Variants in DHDDS observed in about 807,000 individuals in gnomAD.
The protein encoded by DHDDS is dehydrodolichyl diphosphate synthase complex subunit DHDDS.
DHDDS carries 16 observed loss-of-function variants against 46.2 expected under a neutral mutation model. The observed-to-expected ratio is 0.35, with a 90% CI of 0.23 to 0.53. The LOEUF is 0.53. Ranked by LOEUF, DHDDS falls within the 20% of genes least tolerant of loss-of-function variation. The pLI, the probability that DHDDS is intolerant of heterozygous loss-of-function variation, is 0.94. For synonymous variants in DHDDS, 151 were observed against 163.1 expected, an observed-to-expected ratio of 0.93 and a Z score of 0.56; for missense variants, 340 against 423.7, an observed-to-expected ratio of 0.80 and a Z score of 1.73.
chr1:26,446,310 G>T lies in DHDDS; in HGVS notation c.324-6G>T. On this transcript the variant is annotated splice_polypyrimidine_tract_variant and splice_region_variant and intron_variant, in intron 4 of 8. Transcript: ENST00000236342. ...TATCCCAATGCTGCCTCTTTTCCCT[G>T]ATCAGGGAGAAACTGCAGAAGCATG... 6.2e-7 allele frequency: 1 copy of T among 1,613,584 alleles called. No individual in the cohort carries two copies. The highest frequency in any genetic ancestry group is 8.5e-7 in the Non-Finnish European group (1 of 1,179,684).
intron 2 of DHDDS, among the ~76,000 whole-genome samples, chr1:26,433,766 C>T (rs942279221): frequency 8.6e-5 from 13 of 151,758 alleles, no homozygotes; most frequent in Middle Eastern, 3.4e-3. Flanking sequence ...GATGGAGTCT[C>T]GCTCTGTCGC....
intron 3 of DHDDS, 64 bp downstream of exon 3, chr1:26,438,348 C>T (rs573589452): frequency 2.7e-6 from 4 of 1,462,022 alleles, no homozygotes; most frequent in Non-Finnish European, 2.9e-6. Flanking sequence ...AGCTAGAAAA[C>T]CAGGCTCTGA....
At chr1:26,443,896 C>A (rs1490343077) in intron 4 of DHDDS, among the ~76,000 whole-genome samples, 2 of 152,216 alleles carry the variant, frequency 1.3e-5, no homozygotes, top group South Asian at 4.1e-4. Context: ...TATATTCTTA[C>A]TCATCCTGTA....
At chr1:26,468,709 C>T (rs1238293725) in intron 8 of DHDDS, among the ~76,000 whole-genome samples, 186 bp from the exon 9 acceptor site, 2 of 152,194 alleles carry the variant, frequency 1.3e-5, no homozygotes, top group Non-Finnish European at 2.9e-5. Context: ...TGCCACTGCC[C>T]TGCCTGTACA....
chr1:26,468,813 C>G (rs1000983663), intron 8 of DHDDS, 82 bp from the exon 9 acceptor site: 2 of 1,333,668 alleles, frequency 1.5e-6, no homozygotes, highest in Non-Finnish European at 2.1e-6. Context: ...CACCCTGTGC[C>G]CCACCCCCTA....
intron 4 of DHDDS, chr1:26,443,114 C>T (rs2075235119): frequency 3.4e-6 from 2 of 586,880 alleles, no homozygotes; most frequent in Non-Finnish European, 5.4e-6. Context: ...GATTTAAGAA[C>T]AAGTACAGCC....
Position 26,436,896 on chromosome 1 carries a change from C to T in DHDDS, c.64-1272C>T, listed in dbSNP as rs191662991. On this transcript the variant is annotated intron_variant, in intron 2 of 8. Transcript: ENST00000236342. ...TTCTTAACCGCGTGACTGGGCCGGGCGTGCTGGCTCACGCCTGTAATCCCA... is the reference window on the plus strand; with the variant it reads ...TTCTTAACCGCGTGACTGGGCCGGGTGTGCTGGCTCACGCCTGTAATCCCA... Among the ~76,000 whole-genome samples the T allele has an allele frequency of 1.8e-4, 27 of 152,168 alleles. No homozygotes were observed. The East Asian group carries it at 5.1e-3, about 28-fold the overall frequency.
chr1:26,436,781 C>T (rs1479585408), intron 2 of DHDDS, among the ~76,000 whole-genome samples: 1 of 152,098 alleles, frequency 6.6e-6, no homozygotes, highest in Admixed American at 6.6e-5. Context: ...TAGTTGGAGA[C>T]CAACTAAACC....
intron 3 of DHDDS, among the ~76,000 whole-genome samples, chr1:26,439,676 G>GAAAC (rs1557435266): frequency 3.3e-5 from 5 of 152,184 alleles, no homozygotes; most frequent in African/African-American, 1.2e-4. Context: ...AGGCTGAGGG[G>GAAAC]TTTCTCAGGA....
At chr1:26,457,502 T>A (rs1172500518) in intron 6 of DHDDS, among the ~76,000 whole-genome samples, 1 of 148,106 alleles carries the variant, frequency 6.8e-6, no homozygotes, top group Non-Finnish European at 1.5e-5. Context: ...ATACCTTATG[T>A]ATCAGAACAT....
At chr1:26,456,010 T>C (rs1453851328) in intron 6 of DHDDS, among the ~76,000 whole-genome samples, 2 of 152,360 alleles carry the variant, frequency 1.3e-5, no homozygotes, top group East Asian at 3.9e-4. Context: ...ACCCTCTTTC[T>C]GTGGACAGGA....
chr1:26,432,810 A>T, intron 1 of DHDDS, 81 bp from the exon 2 acceptor site: 1 of 817,932 alleles, frequency 1.2e-6, no homozygotes, highest in Non-Finnish European at 2.1e-6. Context: ...TGCTCTCCAT[A>T]GTCCATCTGA....
chr1:26,437,032 T>C (rs1419717240), intron 2 of DHDDS, among the ~76,000 whole-genome samples: 3 of 151,924 alleles, frequency 2.0e-5, no homozygotes, highest in Non-Finnish European at 2.9e-5. Context: ...TAGCTGGGCA[T>C]GGTGGCAGGT....
intron 5 of DHDDS, 21 bp downstream of exon 5, chr1:26,446,453 A>G (rs923921932): frequency 1.2e-6 from 2 of 1,608,744 alleles, no homozygotes; most frequent in Admixed American, 1.7e-5. Context: ...AGATTTCCCT[A>G]TAGGGAGCTG....
At chr1:26,435,959 A>AG (rs2075150238) in intron 2 of DHDDS, among the ~76,000 whole-genome samples, 2 of 152,106 alleles carry the variant, frequency 1.3e-5, no homozygotes, top group East Asian at 3.9e-4. Context: ...CATGTTGGCC[A>AG]GGCTGGTCTT....
At chr1:26,447,526 C>G in intron 5 of DHDDS, 33 bp from the exon 6 acceptor site, 3 of 1,568,170 alleles carry the variant, frequency 1.9e-6, no homozygotes, top group Non-Finnish European at 1.8e-6. Context: ...CCCTGTCCCC[C>G]TTTGGTAAAT....
intron 8 of DHDDS, 131 bp downstream of exon 8, chr1:26,460,275 T>C (rs557155284): frequency 5.2e-6 from 4 of 765,652 alleles, no homozygotes; most frequent in South Asian, 2.9e-5. Flanking sequence ...AGCTACCACC[T>C]ACTGAGTATC....
At chr1:26,466,748 T>TA (rs1391121755) in intron 8 of DHDDS, among the ~76,000 whole-genome samples, 1 of 152,236 alleles carries the variant, frequency 6.6e-6, no homozygotes, top group African/African-American at 2.4e-5. Context: ...GCCAGAAACT[T>TA]AGACTACTTA....
intron 8 of DHDDS, among the ~76,000 whole-genome samples, chr1:26,466,658 G>A (rs956598603): frequency 2.0e-5 from 3 of 152,240 alleles, no homozygotes; most frequent in African/African-American, 7.2e-5. Context: ...TCTGGAAGAA[G>A]CTTGCGCCTC....
Sources: allele counts gnomAD v4.1 joint callset (sites outside exome capture counted in the v4.1 genomes callset), GRCh38; gene constraint gnomAD v4.1.1; transcripts MANE v1.5; gene names NCBI Gene and HGNC (gene_info 2026-07-23, HGNC 2026-07-21).